Variants in STK3 observed in about 807,000 individuals in gnomAD.
The protein encoded by STK3 is serine/threonine kinase 3.
A neutral mutation model predicts 58.0 loss-of-function variants in STK3; 41 were observed. That is an observed-to-expected ratio of 0.71 (90% CI 0.55 to 0.92). The LOEUF (loss-of-function observed/expected upper bound fraction) is 0.92, where lower values mean the gene tolerates loss of function less well. Among genes scored for constraint, STK3 ranks in the 40% least tolerant of loss-of-function variants. The probability of loss-of-function intolerance (pLI) is 0.00; values close to 1 mark genes in which losing one functional copy is unlikely to be tolerated. For synonymous variants in STK3, 170 were observed against 191.0 expected, an observed-to-expected ratio of 0.89 and a Z score of 0.91; for missense variants, 479 against 602.7, an observed-to-expected ratio of 0.79 and a Z score of 2.15.
chr8:98,893,491 AGAAAGAAAGAAAGAAAGAAAG>A (rs1838317606), intron 1 of STK3, among the ~76,000 whole-genome samples: 1 of 76,558 alleles, frequency 1.3e-5, no homozygotes, highest in African/African-American at 3.8e-5. Context: ...AGAAAGAGAA[AGAAAGAAAGAAAGAAAGAAAG>A]AAAGAAAGAA....
rs773837691 is a variant in STK3 at position 98,767,240 on chromosome 8, T to C, written c.236+3A>G. 1.2e-6 allele frequency: 2 copies of C among 1,603,146 alleles called. No individual in the cohort carries two copies. On this transcript the variant is annotated splice_donor_region_variant and intron_variant, in intron 3 of 10. Coordinates refer to ENST00000419617, the MANE Select transcript of STK3 (RefSeq NM_006281.4). ...TAAGCAAAGAAATAAAATCTCTTCATACCTGTCACATTGCTGCATTATGGA... is the reference window on the plus strand; with the variant it reads ...TAAGCAAAGAAATAAAATCTCTTCACACCTGTCACATTGCTGCATTATGGA...
At chr8:98,858,388 A>C (rs1286543750) in intron 3 of STK3, among the ~76,000 whole-genome samples, 1 of 145,040 alleles carries the variant, frequency 6.9e-6, no homozygotes, top group Admixed American at 6.9e-5. Flanking sequence ...GTATATATAC[A>C]TAACTCCTGA....
At chr8:98,895,106 A>G (rs907129173) in intron 1 of STK3, among the ~76,000 whole-genome samples, 2 of 152,226 alleles carry the variant, frequency 1.3e-5, no homozygotes, top group Non-Finnish European at 2.9e-5. Flanking sequence ...TTCACGCCTG[A>G]GTCTGAAAGA....
intron 6 of STK3, among the ~76,000 whole-genome samples, chr8:98,653,297 AC>A (rs1821136171): frequency 6.6e-6 from 1 of 152,244 alleles, no homozygotes; most frequent in Admixed American, 6.5e-5. Flanking sequence ...GAACAAAGAC[AC>A]AACATACCAG....
chr8:98,479,354 G>C (rs963920852), intron 10 of STK3, among the ~76,000 whole-genome samples: 1 of 152,006 alleles, frequency 6.6e-6, no homozygotes, highest in African/African-American at 2.4e-5. Context: ...GGGTGTGGCA[G>C]TGGGTGCCTG....
intron 3 of STK3, among the ~76,000 whole-genome samples, chr8:98,404,116 T>C (rs1226890155): frequency 1.3e-5 from 2 of 152,350 alleles, no homozygotes; most frequent in African/African-American, 4.8e-5. Flanking sequence ...TTTTCAATGA[T>C]ATTGCCTCCA....
rs115079873 is a variant in STK3, at chr8:98,665,421, G to A, written c.684+41046C>T. ...TTTTGTTTGTTTGTTTTTTGAGATG[G>A]GGTCTTGCCCTGCTGCCTAGGCTGG... On this transcript the variant is annotated intron_variant, in intron 6 of 10. Transcript: ENST00000419617. Among the ~76,000 whole-genome samples the A allele has an allele frequency of 9.8e-3, 1,491 of 152,188 alleles. 26 individuals carry two copies. Among genetic ancestry groups the A allele is most frequent in the African/African-American group, 0.032 (1,320 of 41,524 alleles).
At chr8:98,377,829 T>C (rs943656727) in intron 2 of STK3, among the ~76,000 whole-genome samples, 2 of 152,074 alleles carry the variant, frequency 1.3e-5, no homozygotes, top group East Asian at 3.9e-4. Flanking sequence ...CACTCCCCTG[T>C]AGTCGAGGCT....
intron 3 of STK3, among the ~76,000 whole-genome samples, chr8:98,876,372 G>C (rs1370658363): frequency 2.0e-5 from 3 of 152,140 alleles, no homozygotes; most frequent in Non-Finnish European, 4.4e-5. Context: ...AGAAACCTAA[G>C]AGAAATTAAT....
At chr8:98,832,698 G>C (rs954812728) in intron 3 of STK3, among the ~76,000 whole-genome samples, 1 of 149,882 alleles carries the variant, frequency 6.7e-6, no homozygotes, top group South Asian at 2.1e-4. Flanking sequence ...CCTTGGCCAA[G>C]GGGGGGTCCA....
intron 3 of STK3, among the ~76,000 whole-genome samples, chr8:98,835,832 G>A (rs1467789030): frequency 3.3e-5 from 5 of 152,174 alleles, no homozygotes; most frequent in African/African-American, 1.2e-4. Flanking sequence ...GCCCCAGGGA[G>A]GAGTAGCTGT....
intron 6 of STK3, among the ~76,000 whole-genome samples, chr8:98,600,711 C>T (rs1029616272): frequency 6.6e-6 from 1 of 151,800 alleles, no homozygotes; most frequent in Admixed American, 6.6e-5. Context: ...CTGTCTCTAA[C>T]GGTGGAAAAC....
At chr8:98,813,729 C>T (rs1431835557) in intron 1 of STK3, among the ~76,000 whole-genome samples, 3 of 152,100 alleles carry the variant, frequency 2.0e-5, no homozygotes, top group Non-Finnish European at 4.4e-5. Flanking sequence ...CAAACCTATA[C>T]AAAATTAACA....
intron 4 of STK3, among the ~76,000 whole-genome samples, chr8:98,718,904 A>G (rs1266243473): frequency 1.3e-5 from 2 of 152,166 alleles, no homozygotes; most frequent in Non-Finnish European, 2.9e-5. Context: ...ACTGCACTAG[A>G]AAGGGTCCAC....
At chr8:98,762,255 T>C (rs1320880150) in intron 3 of STK3, among the ~76,000 whole-genome samples, 2 of 152,160 alleles carry the variant, frequency 1.3e-5, no homozygotes, top group Non-Finnish European at 2.9e-5. Flanking sequence ...GTTTCTTTTT[T>C]TTGTTTTGTT....
chr8:98,868,845 C>T (rs1171587904), intron 3 of STK3, among the ~76,000 whole-genome samples: 5 of 151,688 alleles, frequency 3.3e-5, no homozygotes, highest in East Asian at 3.9e-4. Context: ...GCTGTGGTGG[C>T]GCATGCCTGT....
Position 98,427,928 on chromosome 8 carries a change from C to T in STK3, n.483+6199G>A, listed in dbSNP as rs999243421. 6.3e-6 allele frequency: 9 copies of T among 1,420,348 alleles called. No individual in the cohort carries two copies. In the African/African-American group the frequency reaches 1.2e-4, roughly 18 times the overall value. The allele number at this position is 1,420,348 out of a possible 1,614,324, so 88.0% of individuals were successfully genotyped here. On this transcript the variant is annotated intron_variant and non_coding_transcript_variant, in intron 3 of 3. Coordinates refer to the STK3 transcript ENST00000517832. ...GGCGCTCTCGCCGACGCTGTTCCCT[C>T]CGCTTCCAGGTGTAGCGCCCCCGCG...
At chr8:98,717,830 T>A (rs1421887348) in intron 4 of STK3, among the ~76,000 whole-genome samples, 3 of 152,224 alleles carry the variant, frequency 2.0e-5, no homozygotes, top group East Asian at 3.9e-4. Flanking sequence ...ATAAGTAAAA[T>A]GTGGTAGAAA....
chr8:98,631,385 T>A (rs1368772289), intron 6 of STK3, among the ~76,000 whole-genome samples: 4 of 152,182 alleles, frequency 2.6e-5, no homozygotes, highest in Non-Finnish European at 4.4e-5. Flanking sequence ...TCTTTCACCA[T>A]CTTATCCAGC....
Sources: gnomAD v4.1 joint callset for allele counts (sites outside exome capture counted in the v4.1 genomes callset) on GRCh38, gnomAD v4.1.1 for gene constraint, MANE v1.5 for transcripts, NCBI Gene and HGNC (gene_info 2026-07-23, HGNC 2026-07-21) for gene names.